Variants in PRKG1 observed in about 807,000 individuals in gnomAD.
PRKG1 encodes the protein protein kinase cGMP-dependent 1, also known as cGMP-dependent protein kinase 1.
Under a neutral mutation model 88.1 loss-of-function variants are expected in PRKG1, and 35 were observed. The ratio of observed to expected loss-of-function variants is 0.40; its 90% CI spans 0.30 to 0.53. PRKG1 has a LOEUF of 0.53. PRKG1 is among the 20% of genes least tolerant of loss of function. PRKG1 has a pLI of 0.59. For missense variants in PRKG1, 540 were observed against 839.8 expected (o/e 0.64, Z 4.41); for synonymous variants, 303 against 292.5 (o/e 1.04, Z -0.37).
intron 9 of PRKG1, among the ~76,000 whole-genome samples, chr10:52,198,485 A>C (rs1311666723): frequency 6.6e-6 from 1 of 152,224 alleles, no homozygotes; most frequent in Non-Finnish European, 1.5e-5. Context: ...ACAATGAGCA[A>C]ATAGAATCAG....
rs74133961 is a variant in PRKG1 at position 51,082,937 on chromosome 10, G to T, written c.311+8036G>T. On this transcript the variant is annotated intron_variant, in intron 1 of 17. Coordinates refer to ENST00000373980, the MANE Select transcript of PRKG1 (RefSeq NM_006258.4). ...GATTTAATTGCTCTGGGGTAGACCT[G>T]AGGTATAGGTATATTATTTTTACTC... Among the ~76,000 whole-genome samples, 640 of 152,262 alleles carry T rather than the reference G, an allele frequency of 4.2e-3. 5 individuals carry two copies. The highest frequency in any genetic ancestry group is 0.014 in the African/African-American group (598 of 41,546).
At chr10:51,474,759 A>T (rs965537147) in intron 3 of PRKG1, among the ~76,000 whole-genome samples, 2 of 152,038 alleles carry the variant, frequency 1.3e-5, no homozygotes, top group Non-Finnish European at 2.9e-5. Flanking sequence ...AAATAAAAGG[A>T]TAAGCTGAGT....
At chr10:51,093,797 TATATAC>T (rs1433892630) in intron 1 of PRKG1, among the ~76,000 whole-genome samples, 7 of 117,586 alleles carry the variant, frequency 6.0e-5, no homozygotes, top group African/African-American at 2.6e-4. Context: ...TTTATATATA[TATATAC>T]ACACACACAC....
At chr10:51,215,378 C>A (rs1489251507) in intron 2 of PRKG1, among the ~76,000 whole-genome samples, 1 of 152,130 alleles carries the variant, frequency 6.6e-6, no homozygotes, top group African/African-American at 2.4e-5. Flanking sequence ...AATTATAGCT[C>A]TTCAGCATTG....
At chr10:51,458,849 G>A (rs577146215) in intron 2 of PRKG1, among the ~76,000 whole-genome samples, 3 of 152,052 alleles carry the variant, frequency 2.0e-5, no homozygotes, top group Non-Finnish European at 4.4e-5. Context: ...AACATGGATC[G>A]AAACTACAGA....
intron 10 of PRKG1, among the ~76,000 whole-genome samples, chr10:52,263,201 C>G (rs1841476593): frequency 6.6e-6 from 1 of 152,010 alleles, no homozygotes; most frequent in Admixed American, 6.6e-5. Context: ...CAATATTTAA[C>G]AGAAATTAGA....
intron 4 of PRKG1, among the ~76,000 whole-genome samples, chr10:51,852,359 T>TAC (rs199614653): frequency 0.01 from 1,535 of 149,572 alleles, 19 homozygotes; most frequent in African/African-American, 0.025. Flanking sequence ...TACATAGATA[T>TAC]ACACACACAC....
At chr10:52,177,505 T>G (rs950585651) in intron 9 of PRKG1, among the ~76,000 whole-genome samples, 2 of 152,170 alleles carry the variant, frequency 1.3e-5, no homozygotes, top group Non-Finnish European at 2.9e-5. Context: ...ATCAGGGTTA[T>G]GCTTACTTCA....
intron 1 of PRKG1, among the ~76,000 whole-genome samples, chr10:51,063,250 T>A (rs899202806): frequency 1.3e-5 from 2 of 152,216 alleles, no homozygotes; most frequent in Non-Finnish European, 2.9e-5. Flanking sequence ...TACAGCTGCG[T>A]CATTTAACAA....
Position 52,161,972 on chromosome 10 carries a change from CT to C in PRKG1, c.1076+15del, listed in dbSNP as rs780846305. The C allele has an allele frequency of 1.2e-6, 2 of 1,604,234 alleles. No individual in the cohort carries two copies. Among genetic ancestry groups the C allele is most frequent in the Admixed American group, 3.4e-5 (2 of 59,698 alleles). On this transcript the variant is annotated intron_variant, in intron 9 of 17. Transcript: ENST00000373980. ...GCAGAAGCTAAAGCAAAGTAAGTGA[CT>C]TTTTTCCTTAATTTTGATTGCAAAA...
intron 8 of PRKG1, among the ~76,000 whole-genome samples, chr10:52,143,397 A>G (rs766068085): frequency 2.6e-5 from 4 of 152,162 alleles, no homozygotes; most frequent in African/African-American, 4.8e-5. Flanking sequence ...ACTAAATAGT[A>G]GTATCCCTCA....
At chr10:51,899,351 C>T (rs543681523) in intron 4 of PRKG1, among the ~76,000 whole-genome samples, 2 of 151,334 alleles carry the variant, frequency 1.3e-5, no homozygotes, top group East Asian at 3.9e-4. Flanking sequence ...TTAAAATAAC[C>T]ATATTTTCCC....
At chr10:51,476,022 A>G (rs1435243446) in intron 3 of PRKG1, among the ~76,000 whole-genome samples, 2 of 152,064 alleles carry the variant, frequency 1.3e-5, no homozygotes, top group Non-Finnish European at 2.9e-5. Flanking sequence ...ATTAAGTTCA[A>G]CCTTTTGTAC....
intron 2 of PRKG1, among the ~76,000 whole-genome samples, chr10:51,461,922 G>A (rs1169854481): frequency 1.3e-5 from 2 of 152,130 alleles, no homozygotes; most frequent in African/African-American, 4.8e-5. Context: ...AAATGACCCT[G>A]CAAGGCAAGT....
At chr10:51,091,416 G>T (rs1263642848) in intron 1 of PRKG1, among the ~76,000 whole-genome samples, 3 of 151,972 alleles carry the variant, frequency 2.0e-5, no homozygotes, top group Admixed American at 6.6e-5. Context: ...CCACTAATCT[G>T]CTTTCTGTAT....
intron 5 of PRKG1, chr10:51,909,064 G>T (rs926172438): frequency 3.9e-5 from 6 of 152,162 alleles, no homozygotes; most frequent in African/African-American, 1.4e-4. Context: ...AAACTGAAAA[G>T]CTTTACCATT....
At chr10:51,141,591 T>C (rs1845820776) in intron 1 of PRKG1, among the ~76,000 whole-genome samples, 1 of 152,208 alleles carries the variant, frequency 6.6e-6, no homozygotes, top group Admixed American at 6.5e-5. Flanking sequence ...ATAATAAATA[T>C]TAACTATTTA....
At chr10:51,169,674 G>A (rs761830543) in intron 2 of PRKG1, among the ~76,000 whole-genome samples, 5 of 134,546 alleles carry the variant, frequency 3.7e-5, no homozygotes, top group Non-Finnish European at 7.7e-5. Context: ...TAGGATGGAA[G>A]ACTACAGTGA....
intron 1 of PRKG1, among the ~76,000 whole-genome samples, chr10:51,093,733 TTA>T (rs1264367665): frequency 3.4e-5 from 5 of 146,746 alleles, no homozygotes; most frequent in African/African-American, 1.2e-4. Context: ...TGTGTGTATT[TTA>T]TATATATATT....
Sources: allele counts gnomAD v4.1 joint callset (sites outside exome capture counted in the v4.1 genomes callset), GRCh38; gene constraint gnomAD v4.1.1; transcripts MANE v1.5; gene names NCBI Gene and HGNC (gene_info 2026-07-23, HGNC 2026-07-21).